HLA-F: variants seen among roughly 807,000 people sequenced by gnomAD.
The protein encoded by HLA-F is HLA class I histocompatibility antigen, alpha chain F.
HLA-F carries 46 observed loss-of-function variants against 49.5 expected under a neutral mutation model. That is an observed-to-expected ratio of 0.93 (90% CI 0.73 to 1.19). The LOEUF is 1.19. Ranked by LOEUF, HLA-F falls within the 50% of genes most tolerant of loss-of-function variation. The pLI, the probability that HLA-F is intolerant of heterozygous loss-of-function variation, is 0.00. For missense variants in HLA-F, 496 were observed against 579.6 expected (o/e 0.86, Z 1.48); for synonymous variants, 203 against 233.5 (o/e 0.87, Z 1.19).
In HLA-F at chr6:29,725,524, G is replaced by A. The variant is rs376223760; in HGVS notation, c.964G>A (p.Ala322Thr). The A allele has an allele frequency of 2.5e-5, 41 of 1,614,050 alleles. No homozygotes were observed. The African/African-American group carries it at 3.3e-4, about 13-fold the overall frequency. The change falls in exon 5 of 7, where the codon GCT becomes ACT. Residue 322 changes from alanine to threonine, a missense_variant. Transcript: ENST00000259951. ...TGTCCTTGGAGCTGTGGTCACTGGA[G>A]CTGTGGTCGCTGCTGTGATGTGGAG... is the stretch of plus-strand genomic sequence containing the variant. ...LVVLGAVVTG[A>T]VVAAVMWRKK... is the part of the protein sequence containing the mutation.
In HLA-F at chr6:29,727,145, G is replaced by A. The variant is rs1776191197; in HGVS notation, c.1299G>A (p.Met433Ile). The change falls in exon 7 of 7, where the codon ATG (methionine) becomes ATA (isoleucine). Residue 433 changes from methionine (M) to isoleucine (I), a missense_variant. Coordinates refer to ENST00000259951, the MANE Select transcript of HLA-F (RefSeq NM_001098479.2). ...TTCTTCGTTCTTGGCACCATCTTAT[G>A]AAAAGGGTCCAGATTAAGATTTTTG... ...SFLLRSWHHL[M>I]KRVQIKIFD 1 of 1,602,420 alleles carries A rather than the reference G, an allele frequency of 6.2e-7. No individual in the cohort carries two copies.
At chr6:29,726,585 A>T in intron 6 of HLA-F, 1 of 1,415,788 alleles carries the variant, frequency 7.1e-7, no homozygotes. Flanking sequence ...GTGTGTGTGA[A>T]GAGAAAGAGT....
downstream of HLA-F, chr6:29,729,339 G>C (rs1776371472): frequency 6.6e-6 from 1 of 152,224 alleles, no homozygotes; most frequent in African/African-American, 2.4e-5. Flanking sequence ...TAAATGCATG[G>C]TGTTCCCATT....
chr6:29,725,903 G>A (rs914012528), intron 5 of HLA-F, 108 bp from the exon 6 acceptor site: 49 of 1,230,534 alleles, frequency 4.0e-5, no homozygotes, highest in Non-Finnish European at 5.8e-5. Context: ...TGGATCTACA[G>A]TTACACTTTT....
chr6:29,736,672 C>G (rs1194623572), intron 3 of HLA-F: 1 of 277,184 alleles, frequency 3.6e-6, no homozygotes, highest in African/African-American at 2.3e-5. Flanking sequence ...AGAGCAGACA[C>G]TTTCTTGATT....
Position 29,726,868 on chromosome 6 carries a change from C to T in HLA-F, c.1037-15C>T. 5 of 1,600,540 alleles carry T rather than the reference C, an allele frequency of 3.1e-6. No individual in the cohort carries two copies. The highest frequency in any genetic ancestry group is 4.2e-6 in the Non-Finnish European group (5 of 1,179,552). ...GTGAACACAAGTAGGCTGTTGTTTT[C>T]TATCTTCTTCACAGCCTACTCAGTG... On this transcript the variant is annotated splice_polypyrimidine_tract_variant and intron_variant, in intron 6 of 6. Coordinates refer to ENST00000259951, the MANE Select transcript of HLA-F (RefSeq NM_001098479.2).
At chr6:29,733,064 G>A (rs1319606744) in intron 3 of HLA-F, among the ~76,000 whole-genome samples, 1 of 152,096 alleles carries the variant, frequency 6.6e-6, no homozygotes, top group Non-Finnish European at 1.5e-5. Context: ...TGGCGCATGC[G>A]TGTAATCTCA....
intron 3 of HLA-F, among the ~76,000 whole-genome samples, chr6:29,733,360 A>AT (rs9280686): frequency 9.9e-5 from 15 of 151,816 alleles, no homozygotes; most frequent in African/African-American, 1.9e-4. Flanking sequence ...TGTGTATTTT[A>AT]TTTTTTTTAA....
intron 6 of HLA-F, 74 bp from the exon 7 acceptor site, chr6:29,726,809 T>C: frequency 1.3e-6 from 2 of 1,515,176 alleles, no homozygotes; most frequent in Non-Finnish European, 1.8e-6. Context: ...TCACAGCCTG[T>C]TTGATCTGGT....
intron 3 of HLA-F, chr6:29,735,521 G>A (rs1777004332): frequency 1.3e-5 from 2 of 151,400 alleles, no homozygotes; most frequent in Non-Finnish European, 1.5e-5. Context: ...AAGAAAACTG[G>A]GCTGCAATCT....
downstream of HLA-F, chr6:29,728,638 T>G (rs774717001): frequency 2.0e-5 from 3 of 152,182 alleles, no homozygotes; most frequent in Non-Finnish European, 4.4e-5. Context: ...CAATGTCAAA[T>G]TCCATCAAAG....
At position 29,727,098 on chromosome 6, in the gene HLA-F, T is replaced by C. The variant is rs1426859417; in HGVS notation, c.1252T>C (p.Phe418Leu). The C allele has an allele frequency of 6.2e-7, 1 of 1,612,876 alleles. No homozygotes were observed. The highest frequency in any genetic ancestry group is 2.2e-5 in the East Asian group (1 of 44,890). ...GCAAAGCCTTCGCTTTGGCTTCGGC[T>C]TTAGGAGGGGCAGGAGCTTCCTTCT... ...ALQSLRFGFGFRRGRSFLLRS... is the reference protein window; with the variant it reads ...ALQSLRFGFGLRRGRSFLLRS... Residue 418 changes from phenylalanine (F) to leucine (L), a missense_variant, in exon 7 of 7, where the codon TTT becomes CTT. By Grantham distance (22) the Phe-to-Leu change is conservative. Coordinates refer to ENST00000259951, the MANE Select transcript of HLA-F (RefSeq NM_001098479.2).
In HLA-F at chr6:29,723,499, G is replaced by A. The variant is rs1037286625; in HGVS notation, c.36G>A (p.Gly12=). The part of the protein sequence containing the change: ...APRSLLLLLS[G]ALALTDTWAG... ...GAAGCCTCCTCCTGCTGCTCTCAGG[G>A]GCCCTGGCCCTGACCGATACTTGGG... Residue 12 remains glycine, a synonymous_variant, in exon 1 of 7, where the codon GGG becomes GGA. Coordinates refer to ENST00000259951, the MANE Select transcript of HLA-F (RefSeq NM_001098479.2). The A allele has an allele frequency of 6.2e-7, 1 of 1,613,364 alleles. No individual in the cohort carries two copies.
downstream of HLA-F, among the ~76,000 whole-genome samples, chr6:29,730,002 G>A (rs1056785395): frequency 1.3e-4 from 20 of 152,142 alleles, no homozygotes; most frequent in Non-Finnish European, 2.8e-4. Context: ...AAAACAGTAT[G>A]ATGCTTCCTC....
chr6:29,736,567 T>G (rs1777116603), intron 3 of HLA-F: 1 of 357,046 alleles, frequency 2.8e-6, no homozygotes, highest in Non-Finnish European at 5.4e-6. Flanking sequence ...AAGTGAACAC[T>G]CAGGTAAATA....
In HLA-F at chr6:29,726,922, G is replaced by T; in HGVS notation, c.1076G>T (p.Trp359Leu). 1.9e-6 allele frequency: 3 copies of T among 1,607,904 alleles called. No homozygotes were observed. Residue 359 changes from tryptophan (W) to leucine (L), a missense_variant, in exon 7 of 7, where the codon TGG becomes TTG. Transcript: ENST00000259951. ...VVSGNLMITW[W>L]SSLFLLGVLF... ...AGCGGAAACTTGATGATAACATGGT[G>T]GTCAAGCTTATTTCTCCTGGGGGTG... is the stretch of plus-strand genomic sequence containing the variant.
chr6:29,728,312 C>G, downstream of HLA-F: 1 of 354,268 alleles, frequency 2.8e-6, no homozygotes, highest in Non-Finnish European at 5.6e-6. Flanking sequence ...CCCTGGAGCT[C>G]CATCTGTATG....
chr6:29,733,222 C>T (rs146859767), intron 3 of HLA-F, among the ~76,000 whole-genome samples: 2 of 152,202 alleles, frequency 1.3e-5, no homozygotes, highest in African/African-American at 2.4e-5. Flanking sequence ...CAAACCACCA[C>T]CAACAAAATG....
intron 3 of HLA-F, among the ~76,000 whole-genome samples, chr6:29,737,218 C>CAAAAAAAAAAAAAAAAAAAAAATA (rs1777180868): frequency 1.5e-5 from 1 of 65,202 alleles, no homozygotes; most frequent in African/African-American, 7.4e-5. Flanking sequence ...ATCCTCATGG[C>CAAAAAAAAAAAAAAAAAAAAAATA]AAAAAAAAAA....
Sources: allele counts gnomAD v4.1 joint callset (sites outside exome capture counted in the v4.1 genomes callset), GRCh38; gene constraint gnomAD v4.1.1; transcripts MANE v1.5; gene names NCBI Gene and HGNC (gene_info 2026-07-23, HGNC 2026-07-21).